PTK2: variants seen among roughly 807,000 people sequenced by gnomAD.
PTK2 encodes the protein protein tyrosine kinase 2, also known as focal adhesion kinase 1.
PTK2 carries 45 observed loss-of-function variants against 150.1 expected under a neutral mutation model. The ratio of observed to expected loss-of-function variants is 0.30; its 90% confidence interval spans 0.24 to 0.38. The LOEUF is 0.38. Ranked by LOEUF, PTK2 falls within the 10% of genes least tolerant of loss-of-function variation. The probability of loss-of-function intolerance (pLI) is 1.00; values close to 1 mark genes in which losing one functional copy is unlikely to be tolerated. For synonymous variants in PTK2, 432 were observed against 449.2 expected (o/e 0.96, Z 0.48); for missense variants, 919 against 1,307.3 (o/e 0.70, Z 4.58).
At chr8:140,736,485 C>A (rs768747643) in intron 21 of PTK2, among the ~76,000 whole-genome samples, 1 of 151,118 alleles carries the variant, frequency 6.6e-6, no homozygotes, top group Non-Finnish European at 1.5e-5. Context: ...TGCAATATAT[C>A]CATGTAACAA....
intron 2 of PTK2, among the ~76,000 whole-genome samples, chr8:140,915,911 A>G (rs1352410454): frequency 1.8e-5 from 1 of 54,586 alleles, no homozygotes; most frequent in East Asian, 5.0e-4. Flanking sequence ...CAAAAAACAA[A>G]CAAACAAACA....
intron 27 of PTK2, 188 bp from the exon 31 acceptor site, chr8:140,675,687 C>A: frequency 1.8e-6 from 1 of 557,820 alleles, no homozygotes; most frequent in Non-Finnish European, 3.2e-6. Context: ...CAAATGATGC[C>A]AATAGCATGT....
At chr8:140,913,794 T>C (rs1461101421) in intron 2 of PTK2, among the ~76,000 whole-genome samples, 3 of 152,182 alleles carry the variant, frequency 2.0e-5, no homozygotes, top group Non-Finnish European at 2.9e-5. Flanking sequence ...GATTCAACAC[T>C]GCCCCAATAT....
chr8:140,941,961 T>C (rs2100175961), intron 1 of PTK2, among the ~76,000 whole-genome samples: 1 of 152,068 alleles, frequency 6.6e-6, no homozygotes, highest in Non-Finnish European at 1.5e-5. Flanking sequence ...TGAACATAGC[T>C]CACTGCAGCT....
At chr8:140,849,504 G>A (rs2100127818) in intron 5 of PTK2, among the ~76,000 whole-genome samples, 2 of 152,190 alleles carry the variant, frequency 1.3e-5, no homozygotes, top group South Asian at 4.1e-4. Context: ...AACTGATCAA[G>A]CATTTAGGTT....
At chr8:140,914,198 GTA>G (rs1346060614) in intron 2 of PTK2, among the ~76,000 whole-genome samples, 3 of 152,026 alleles carry the variant, frequency 2.0e-5, no homozygotes, top group Non-Finnish European at 4.4e-5. Context: ...TTATAAAAAT[GTA>G]TGCAAATAAT....
intron 25 of PTK2, 57 bp downstream of exon 28, chr8:140,702,512 GC>G: frequency 6.3e-7 from 1 of 1,580,130 alleles, no homozygotes; most frequent in Non-Finnish European, 8.6e-7. Context: ...AAGCCACCAT[GC>G]CCAGCTTTGC....
At chr8:140,938,360 G>A (rs1008838487) in intron 1 of PTK2, among the ~76,000 whole-genome samples, 5 of 152,238 alleles carry the variant, frequency 3.3e-5, no homozygotes, top group African/African-American at 1.2e-4. Flanking sequence ...AAAGAAACTA[G>A]CCCTAGACCT....
intron 3 of PTK2, 100 bp from the exon 4 acceptor site, chr8:140,879,737 A>C: frequency 2.9e-6 from 3 of 1,051,540 alleles, no homozygotes; most frequent in Admixed American, 3.1e-5. Flanking sequence ...AAAAAAAACT[A>C]TATGCTAAAA....
intron 26 of PTK2, among the ~76,000 whole-genome samples, chr8:140,696,402 G>C (rs960695163): frequency 5.9e-5 from 9 of 152,176 alleles, no homozygotes; most frequent in African/African-American, 2.2e-4. Context: ...ACGCAGTAGT[G>C]CACATCATAA....
chr8:140,815,749 A>G (rs2100104339), intron 10 of PTK2, among the ~76,000 whole-genome samples: 1 of 152,122 alleles, frequency 6.6e-6, no homozygotes, highest in South Asian at 2.1e-4. Flanking sequence ...TTGGCTCAAT[A>G]TTATCATAAC....
intron 1 of PTK2, among the ~76,000 whole-genome samples, chr8:140,943,697 C>T (rs1474652412): frequency 6.6e-6 from 1 of 152,198 alleles, no homozygotes; most frequent in Non-Finnish European, 1.5e-5. Context: ...ACCAGCAAAG[C>T]AGGAGAGTAC....
At chr8:140,996,872 T>C (rs1477563460) in intron 1 of PTK2, among the ~76,000 whole-genome samples, 1 of 152,210 alleles carries the variant, frequency 6.6e-6, no homozygotes, top group South Asian at 2.1e-4. Context: ...AGCCCATAGA[T>C]TAAGAAGACA....
chr8:140,993,259 G>A (rs2100196404), intron 1 of PTK2, among the ~76,000 whole-genome samples: 1 of 152,116 alleles, frequency 6.6e-6, no homozygotes, highest in African/African-American at 2.4e-5. Context: ...ATGATCCGCT[G>A]GCCTCTGCCT....
At chr8:140,761,241 C>T in exon 16 of PTK2, 2 of 1,612,144 alleles carry the variant, frequency 1.2e-6, no homozygotes, top group Non-Finnish European at 1.7e-6. Flanking sequence ...TATTCTTTCT[C>T]TTTGAATCTC....
intron 1 of PTK2, chr8:140,927,451 C>T (rs1393499888): frequency 4.6e-5 from 7 of 152,176 alleles, no homozygotes; most frequent in Non-Finnish European, 8.8e-5. Flanking sequence ...GCTGTAAAGG[C>T]TCTGGGTTAC....
intron 26 of PTK2, among the ~76,000 whole-genome samples, chr8:140,697,919 T>C (rs1459125861): frequency 7.9e-6 from 1 of 126,986 alleles, no homozygotes; most frequent in South Asian, 2.9e-4. Flanking sequence ...AGTCTCAAAC[T>C]CCTAGACTTA....
At chr8:140,730,640 A>G (rs1216214541) in intron 22 of PTK2, among the ~76,000 whole-genome samples, 1 of 152,224 alleles carries the variant, frequency 6.6e-6, no homozygotes, top group Non-Finnish European at 1.5e-5. Context: ...TTTATTAAAC[A>G]TCAATAAAAA....
intron 5 of PTK2, among the ~76,000 whole-genome samples, chr8:140,849,821 C>T (rs1243886302): frequency 6.6e-5 from 10 of 152,296 alleles, no homozygotes; most frequent in African/African-American, 2.2e-4. Flanking sequence ...GTGTTGAACA[C>T]GTATTAAAGT....
Sources: allele counts gnomAD v4.1 joint callset (sites outside exome capture counted in the v4.1 genomes callset), GRCh38; gene constraint gnomAD v4.1.1; transcripts MANE v1.5; gene names NCBI Gene and HGNC (gene_info 2026-07-23, HGNC 2026-07-21).